Variants in WIPI2 observed in about 807,000 individuals in gnomAD.
The protein encoded by WIPI2 is WD repeat domain phosphoinositide-interacting protein 2.
A neutral mutation model predicts 52.3 loss-of-function variants in WIPI2; 28 were observed. The ratio of observed to expected loss-of-function variants is 0.54; its 90% CI spans 0.40 to 0.73. The LOEUF is 0.73. WIPI2 is among the 30% of genes least tolerant of loss of function. The pLI, the probability that WIPI2 is intolerant of heterozygous loss-of-function variation, is 0.00. For missense variants in WIPI2, 506 were observed against 602.9 expected, an observed-to-expected ratio of 0.84 and a Z score of 1.68; for synonymous variants, 268 against 245.0, an observed-to-expected ratio of 1.09 and a Z score of -0.88.
chr7:5,192,055 T>G (rs1300304913), intron 1 of WIPI2, among the ~76,000 whole-genome samples: 2 of 151,140 alleles, frequency 1.3e-5, no homozygotes, highest in Admixed American at 6.6e-5. Flanking sequence ...TGCCATGCTG[T>G]TTTTTTTTCT....
chr7:5,202,101 G>A (rs909243965), intron 3 of WIPI2, among the ~76,000 whole-genome samples: 6 of 152,118 alleles, frequency 3.9e-5, no homozygotes, highest in South Asian at 2.1e-4. Context: ...CAGTATTGAC[G>A]TCTACCCTCA....
chr7:5,229,102 G>A (rs917425250), intron 11 of WIPI2, among the ~76,000 whole-genome samples: 9 of 151,984 alleles, frequency 5.9e-5, no homozygotes, highest in Non-Finnish European at 1.2e-4. Context: ...TGCAATCTCC[G>A]CCTCCCAGGT....
intron 3 of WIPI2, among the ~76,000 whole-genome samples, chr7:5,202,647 A>G (rs1006109931): frequency 2.6e-5 from 4 of 151,858 alleles, no homozygotes; most frequent in African/African-American, 9.7e-5. Context: ...CAGCCTCCCA[A>G]AGTGCTGGGA....
At position 5,192,874 on chromosome 7, in the gene WIPI2, G is replaced by T. The variant is rs1468254708; in HGVS notation, c.75-244G>T. On this transcript the variant is annotated intron_variant, in intron 1 of 12. Coordinates refer to ENST00000288828, the MANE Select transcript of WIPI2 (RefSeq NM_015610.4). The stretch of plus-strand genomic sequence containing the variant: ...CTAGAACTCACATTTACTGTATGCA[G>T]TGAGAAAATTTGGAAGCCAGTTCAC... 3.3e-5 allele frequency among the ~76,000 whole-genome samples: 5 copies of T among 152,188 alleles called. No individual in the cohort carries two copies. The South Asian group carries it at 1.0e-3, about 31-fold the overall frequency.
chr7:5,199,805 G>C, intron 3 of WIPI2, 147 bp downstream of exon 3: 1 of 779,002 alleles, frequency 1.3e-6, no homozygotes. Flanking sequence ...CTCCCCAAGA[G>C]GTGGCAACTG....
chr7:5,226,224 G>A (rs933987222), intron 9 of WIPI2: 4 of 361,966 alleles, frequency 1.1e-5, no homozygotes, highest in African/African-American at 6.2e-5. Context: ...CTCTCCTCAG[G>A]TTCCCCTCAC....
intron 8 of WIPI2, among the ~76,000 whole-genome samples, chr7:5,224,580 G>T (rs1335079466): frequency 3.9e-5 from 6 of 152,164 alleles, no homozygotes; most frequent in Non-Finnish European, 8.8e-5. Context: ...GGATAACTTG[G>T]GTGGGGAGAA....
At chr7:5,228,425 G>A (rs569817744) in intron 11 of WIPI2, among the ~76,000 whole-genome samples, 138 of 152,382 alleles carry the variant, frequency 9.1e-4, no homozygotes, top group Middle Eastern at 3.4e-3. Flanking sequence ...GGCTGGTGGC[G>A]TCAGGGCTCC....
In WIPI2 at chr7:5,214,723, G is replaced by C. The variant is rs947729899; in HGVS notation, c.381+19G>C. ...CAGGCAGGTGAGCGCTGCCCCAGCTGGGTGTGGGCTTGTCTGTTGCTCCCT... is the reference window on the plus strand; with the variant it reads ...CAGGCAGGTGAGCGCTGCCCCAGCTCGGTGTGGGCTTGTCTGTTGCTCCCT... On this transcript the variant is annotated intron_variant, in intron 4 of 12. Transcript: ENST00000288828. The C allele has an allele frequency of 5.0e-6, 8 of 1,612,458 alleles. No individual in the cohort carries two copies. The highest frequency in any genetic ancestry group is 5.9e-6 in the Non-Finnish European group (7 of 1,179,946).
chr7:5,201,312 A>G (rs1782015688), intron 3 of WIPI2, among the ~76,000 whole-genome samples: 1 of 152,254 alleles, frequency 6.6e-6, no homozygotes, highest in Non-Finnish European at 1.5e-5. Flanking sequence ...GCTGGGGGCC[A>G]GTGCTTATAA....
intron 6 of WIPI2, chr7:5,217,516 C>G (rs1231188694): frequency 5.1e-6 from 2 of 393,806 alleles, no homozygotes; most frequent in Non-Finnish European, 9.6e-6. Context: ...AGGCTGGCCT[C>G]AAACTCCTGG....
At chr7:5,207,954 C>T (rs1205614705) in intron 3 of WIPI2, among the ~76,000 whole-genome samples, 5 of 151,884 alleles carry the variant, frequency 3.3e-5, no homozygotes, top group Non-Finnish European at 5.9e-5. Context: ...TTGGTAGAGA[C>T]GGGGTTTCAC....
At chr7:5,210,405 T>C (rs762930309) in intron 3 of WIPI2, among the ~76,000 whole-genome samples, 12 of 152,238 alleles carry the variant, frequency 7.9e-5, no homozygotes, top group Non-Finnish European at 1.5e-4. Context: ...ACCTGCTTGC[T>C]GTTCTTCAGA....
At chr7:5,208,323 G>A (rs193084982) in intron 3 of WIPI2, among the ~76,000 whole-genome samples, 2 of 151,760 alleles carry the variant, frequency 1.3e-5, no homozygotes, top group East Asian at 1.9e-4. Context: ...CCAGTCCTTT[G>A]TCAGATATGT....
rs1179907288 is a variant in WIPI2 at position 5,230,838 on chromosome 7, A to G, written c.1256A>G (p.Tyr419Cys). The change falls in exon 13 of 13, where the codon TAC becomes TGC. Residue 419 changes from tyrosine to cysteine, a missense_variant. Coordinates refer to ENST00000288828, the MANE Select transcript of WIPI2 (RefSeq NM_015610.4). The surrounding 1 kb of genome is among the most constrained non-coding windows in gnomAD (Gnocchi z 4.8). ...TGACTTCGTCGTCTCTTTGCAGCCT[A>G]CACAGACGACCTGGGTGCTGTGGGT... ...YVPSSPTRLA[Y>C]TDDLGAVGGA... 1 of 1,613,260 alleles carries G rather than the reference A, an allele frequency of 6.2e-7. No homozygotes were observed. The highest frequency in any genetic ancestry group is 1.3e-5 in the African/African-American group (1 of 75,004).
chr7:5,222,682 G>C lies in WIPI2; in HGVS notation c.740+10G>C, dbSNP rs750227791. The C allele has an allele frequency of 5.0e-6, 8 of 1,611,926 alleles. No homozygotes were observed. Among genetic ancestry groups the C allele is most frequent in the South Asian group, 3.3e-5 (3 of 90,992 alleles). On this transcript the variant is annotated intron_variant, in intron 8 of 12. Coordinates refer to ENST00000288828, the MANE Select transcript of WIPI2 (RefSeq NM_015610.4). ...GGAGAGGAGTAAAGAGGTAAAGTAC[G>C]TGAATGTCCAGAATGGATTCTGGAG...
chr7:5,214,332 G>A lies in WIPI2; in HGVS notation c.212-203G>A, dbSNP rs138171716. 4.4e-6 allele frequency: 7 copies of A among 1,575,122 alleles called. No individual in the cohort carries two copies. In the African/African-American group the frequency reaches 9.4e-5, roughly 21 times the overall value. On this transcript the variant is annotated intron_variant, in intron 3 of 12. Transcript: ENST00000288828. ...ATGCTCGTGAGGGGCCATCCTTAGA[G>A]TGGAAATGCTCCTGAGGCTCCAGCG...
chr7:5,196,239 C>T (rs1000037123), intron 2 of WIPI2, among the ~76,000 whole-genome samples: 9 of 151,772 alleles, frequency 5.9e-5, no homozygotes, highest in African/African-American at 2.2e-4. Context: ...CCTGGAACTA[C>T]CTGGAAGGCT....
chr7:5,228,424 C>A (rs1270596093), intron 11 of WIPI2, among the ~76,000 whole-genome samples: 2 of 152,250 alleles, frequency 1.3e-5, no homozygotes, highest in African/African-American at 4.8e-5. Context: ...CGGCTGGTGG[C>A]GTCAGGGCTC....
Sources: allele counts gnomAD v4.1 joint callset (sites outside exome capture counted in the v4.1 genomes callset), GRCh38; gene constraint gnomAD v4.1.1; non-coding constraint Gnocchi (gnomAD v3.1); transcripts MANE v1.5; gene names NCBI Gene and HGNC (gene_info 2026-07-23, HGNC 2026-07-21).